Variants in PGM1 observed in about 807,000 individuals in gnomAD.
PGM1 encodes the protein phosphoglucomutase-1.
A neutral mutation model predicts 55.6 loss-of-function variants in PGM1; 52 were observed. The observed-to-expected ratio is 0.94, with a 90% confidence interval of 0.75 to 1.18. The LOEUF (loss-of-function observed/expected upper bound fraction) is 1.18, where lower values mean the gene tolerates loss of function less well. Among genes scored for constraint, PGM1 ranks in the 50% most tolerant of loss-of-function variants. PGM1 has a pLI of 0.00. For synonymous variants in PGM1, 287 were observed against 271.7 expected, an observed-to-expected ratio of 1.06 and a Z score of -0.55; for missense variants, 724 against 729.3, an observed-to-expected ratio of 0.99 and a Z score of 0.08.
rs141614504 is a variant in PGM1 at position 63,611,554 on chromosome 1, A to G, written c.246+17820A>G. Among the ~76,000 whole-genome samples, 7 of 152,264 alleles carry G rather than the reference A, an allele frequency of 4.6e-5. No individual in the cohort carries two copies. In the East Asian group the frequency reaches 1.4e-3, roughly 29 times the overall value. On this transcript the variant is annotated intron_variant, in intron 1 of 10. Coordinates refer to ENST00000371084, the MANE Select transcript of PGM1 (RefSeq NM_002633.3). ...AATTATCCTAAGGCCCAGCCTGGGA[A>G]TTCTCTTATGGCCCTGAGGGAAGGG... is the stretch of plus-strand genomic sequence containing the variant.
chr1:63,623,414 G>T, intron 1 of PGM1: 2 of 1,588,050 alleles, frequency 1.3e-6, no homozygotes, highest in South Asian at 2.3e-5. Flanking sequence ...GGAGTCCCTT[G>T]ACTGCTTTCT....
At chr1:63,644,524 A>G (rs988910793) in intron 7 of PGM1, among the ~76,000 whole-genome samples, 8 of 152,348 alleles carry the variant, frequency 5.3e-5, no homozygotes, top group South Asian at 2.1e-4. Flanking sequence ...CTTCTCCAAT[A>G]TGTACAATCA....
chr1:63,612,026 G>A (rs1648580698), intron 1 of PGM1, among the ~76,000 whole-genome samples: 1 of 152,096 alleles, frequency 6.6e-6, no homozygotes, highest in Non-Finnish European at 1.5e-5. Context: ...GGAAGCCAAG[G>A]TGGGTGGATC....
chr1:63,644,644 C>A (rs1182023652), intron 7 of PGM1, among the ~76,000 whole-genome samples: 1 of 152,168 alleles, frequency 6.6e-6, no homozygotes, highest in Admixed American at 6.5e-5. Context: ...AGTTACATTA[C>A]ACCTCACAAT....
intron 1 of PGM1, among the ~76,000 whole-genome samples, chr1:63,617,664 G>GGCAGAGGTT (rs1376504228): frequency 1.4e-5 from 2 of 144,626 alleles, no homozygotes; most frequent in East Asian, 4.2e-4. Context: ...GAACCTGGAA[G>GGCAGAGGTT]GCAGAGGTTG....
chr1:63,622,367 C>A (rs537266907), intron 1 of PGM1, among the ~76,000 whole-genome samples: 2 of 152,238 alleles, frequency 1.3e-5, no homozygotes, highest in South Asian at 4.1e-4. Context: ...TTAATAAAAT[C>A]TCAGGGATCA....
At chr1:63,651,061 C>T (rs908724369) in intron 8 of PGM1, among the ~76,000 whole-genome samples, 12 of 151,730 alleles carry the variant, frequency 7.9e-5, no homozygotes, top group Non-Finnish European at 1.0e-4. Flanking sequence ...TATCTTGAAA[C>T]TTACTAAAAT....
intron 1 of PGM1, chr1:63,623,190 G>T: frequency 7.9e-7 from 1 of 1,269,678 alleles, no homozygotes; most frequent in Non-Finnish European, 9.9e-7. Flanking sequence ...ATTTGGCTTG[G>T]TTAAGTGGGC....
intron 1 of PGM1, among the ~76,000 whole-genome samples, chr1:63,611,977 C>G (rs1013930124): frequency 6.6e-6 from 1 of 152,126 alleles, no homozygotes; most frequent in African/African-American, 2.4e-5. Context: ...AGGAGCTGGA[C>G]GTGGTGGCTC....
chr1:63,617,154 G>A (rs904896042), intron 1 of PGM1, among the ~76,000 whole-genome samples: 9 of 152,176 alleles, frequency 5.9e-5, no homozygotes, highest in African/African-American at 1.9e-4. Context: ...AATGGTACTC[G>A]GCCTGTCTCC....
chr1:63,594,029 G>T, intron 1 of PGM1: 1 of 1,111,014 alleles, frequency 9.0e-7, no homozygotes, highest in Non-Finnish European at 1.1e-6. Context: ...GTCTCTAGCC[G>T]CTGCCTTCCC....
intron 1 of PGM1, among the ~76,000 whole-genome samples, chr1:63,626,806 G>T (rs1337486302): frequency 1.3e-5 from 2 of 152,048 alleles, no homozygotes; most frequent in Non-Finnish European, 2.9e-5. Flanking sequence ...TTGTTGTGCA[G>T]CATATCTCTA....
At position 63,648,758 on chromosome 1, in the gene PGM1, G is replaced by T. The variant is rs11576729; in HGVS notation, c.1280+106G>T. The T allele has an allele frequency of 0.2, 241,903 of 1,208,834 alleles. 26,461 individuals carry two copies. Among genetic ancestry groups the T allele is most frequent in the Admixed American group, 0.39 (22,664 of 57,862 alleles). The allele number at this position is 1,208,834 out of a possible 1,614,324, so 74.9% of individuals were successfully genotyped here. ...GTCTTAAGTGCTAATAAAACCCTAG[G>T]TCATCCAGCCTCTCTCAATTGGAGA... is the stretch of plus-strand genomic sequence containing the variant. On this transcript the variant is annotated intron_variant, in intron 8 of 10. Coordinates refer to ENST00000371084, the MANE Select transcript of PGM1 (RefSeq NM_002633.3).
intron 1 of PGM1, among the ~76,000 whole-genome samples, chr1:63,612,172 G>A (rs867175395): frequency 1.6e-4 from 24 of 151,598 alleles, no homozygotes; most frequent in Middle Eastern, 3.4e-3. Flanking sequence ...CAGGAGAATC[G>A]TTTGAACCTG....
intron 7 of PGM1, among the ~76,000 whole-genome samples, chr1:63,643,140 C>T (rs1412290661): frequency 6.6e-6 from 1 of 152,144 alleles, no homozygotes; most frequent in East Asian, 1.9e-4. Flanking sequence ...AGGCAAAGCC[C>T]ACAGGGGAAG....
At chr1:63,628,013 A>G (rs770886467) in intron 1 of PGM1, among the ~76,000 whole-genome samples, 9 of 152,082 alleles carry the variant, frequency 5.9e-5, no homozygotes, top group Non-Finnish European at 1.3e-4. Context: ...AATGCTTGTT[A>G]TTATTGCTGC....
chr1:63,617,237 A>G (rs1648760731), intron 1 of PGM1, among the ~76,000 whole-genome samples: 1 of 152,142 alleles, frequency 6.6e-6, no homozygotes, highest in South Asian at 2.1e-4. Context: ...CCTGTACTGG[A>G]CAGCAGGTGA....
chr1:63,615,550 C>CTTTTTTTTTTTTTTTTTTTTTTTTTTTT (rs1161161385), intron 1 of PGM1, among the ~76,000 whole-genome samples: 1 of 62,976 alleles, frequency 1.6e-5, no homozygotes, highest in African/African-American at 6.7e-5. Flanking sequence ...TCTTCTTCTT[C>CTTTTTTTTTTTTTTTTTTTTTTTTTTTT]TTTTTTTTTT....
At chr1:63,619,661 A>AGCAC (rs1648833229) in intron 1 of PGM1, among the ~76,000 whole-genome samples, 1 of 152,214 alleles carries the variant, frequency 6.6e-6, no homozygotes, top group South Asian at 2.1e-4. Flanking sequence ...AATAAAGTTT[A>AGCAC]GCACGGTTCA....
Sources: gnomAD v4.1 joint callset for allele counts (sites outside exome capture counted in the v4.1 genomes callset) on GRCh38, gnomAD v4.1.1 for gene constraint, MANE v1.5 for transcripts, NCBI Gene and HGNC (gene_info 2026-07-23, HGNC 2026-07-21) for gene names.